Variants in CAST observed in about 807,000 individuals in gnomAD.
The protein encoded by CAST is MIR583 host.
In CAST, 76 loss-of-function variants were observed where a neutral mutation model predicts 119.6. The ratio of observed to expected loss-of-function variants is 0.64; its 90% CI spans 0.53 to 0.77. The LOEUF (loss-of-function observed/expected upper bound fraction) is 0.77, where lower values mean the gene tolerates loss of function less well. CAST is among the 30% of genes least tolerant of loss of function. The probability of loss-of-function intolerance (pLI) is 0.00; values close to 1 mark genes in which losing one functional copy is unlikely to be tolerated. For missense variants in CAST, 953 were observed against 946.5 expected (o/e 1.01, Z -0.09); for synonymous variants, 319 against 331.6 (o/e 0.96, Z 0.41).
the CAST span, among the ~76,000 whole-genome samples, chr5:96,300,834 A>ATTTTTTTTT: frequency 2.7e-4 from 14 of 52,414 alleles, no homozygotes; most frequent in African/African-American, 4.8e-4. Context: ...ATTCCTAAGC[A>ATTTTTTTTT]TTTTTTTTTT....
the CAST span, among the ~76,000 whole-genome samples, chr5:95,987,177 C>T: frequency 6.6e-6 from 1 of 152,140 alleles, no homozygotes; most frequent in Non-Finnish European, 1.5e-5. Context: ...CACCTGGGCC[C>T]CAGTCTCAGC....
At chr5:96,208,702 GA>G in the CAST span, among the ~76,000 whole-genome samples, 3 of 151,184 alleles carry the variant, frequency 2.0e-5, no homozygotes, top group Non-Finnish European at 4.4e-5. Flanking sequence ...TGTTTGGTAT[GA>G]TTTTTTTTTA....
chr5:96,161,382 G>A, the CAST span, among the ~76,000 whole-genome samples: 1 of 152,094 alleles, frequency 6.6e-6, no homozygotes, highest in African/African-American at 2.4e-5. Flanking sequence ...ACCGTTTGTT[G>A]AAAATATTAT....
chr5:96,138,172 G>A, the CAST span, among the ~76,000 whole-genome samples: 17 of 151,986 alleles, frequency 1.1e-4, no homozygotes, highest in South Asian at 1.2e-3. Context: ...AAGGTATGAC[G>A]TATGAATTTA....
At chr5:96,738,258 GT>G (rs1239515863) in intron 11 of CAST, among the ~76,000 whole-genome samples, 2 of 152,136 alleles carry the variant, frequency 1.3e-5, no homozygotes, top group Non-Finnish European at 2.9e-5. Flanking sequence ...GGAGGCAGAG[GT>G]TGCAGCGAGC....
chr5:96,024,161 T>G, the CAST span, among the ~76,000 whole-genome samples: 1 of 152,196 alleles, frequency 6.6e-6, no homozygotes. Context: ...TGTTTGTTCT[T>G]CCTCTAGAAT....
chr5:96,435,255 C>G, the CAST span, among the ~76,000 whole-genome samples: 3 of 152,186 alleles, frequency 2.0e-5, no homozygotes, highest in African/African-American at 4.8e-5. Flanking sequence ...CCGTGTCTCT[C>G]TCATTAATGA....
chr5:96,496,265 A>G, the CAST span, among the ~76,000 whole-genome samples: 2 of 152,162 alleles, frequency 1.3e-5, no homozygotes, highest in African/African-American at 4.8e-5. Context: ...ATTTTCAAAA[A>G]TCTTCAAATT....
At chr5:96,074,341 G>T in the CAST span, among the ~76,000 whole-genome samples, 1 of 152,200 alleles carries the variant, frequency 6.6e-6, no homozygotes, top group Admixed American at 6.5e-5. Flanking sequence ...ACCTTGGGAG[G>T]TAATTAGGTT....
At chr5:96,499,890 C>T in the CAST span, among the ~76,000 whole-genome samples, 4 of 152,256 alleles carry the variant, frequency 2.6e-5, no homozygotes, top group African/African-American at 4.8e-5. Context: ...TTGATTTAAG[C>T]TAGATCAACA....
At chr5:96,033,135 C>T in the CAST span, among the ~76,000 whole-genome samples, 1 of 152,016 alleles carries the variant, frequency 6.6e-6, no homozygotes. Context: ...AAGATCTCTA[C>T]ACTAAAAGTT....
intron 5 of CAST, 32 bp from the exon 6 acceptor site, chr5:96,727,457 T>C: frequency 7.8e-7 from 1 of 1,276,510 alleles, no homozygotes; most frequent in Non-Finnish European, 1.1e-6. Flanking sequence ...TTTTCTTCCT[T>C]CCTTTTTTTC....
rs774405869 is a variant in CAST, at chr5:96,740,119, G to A, written c.879+1G>A. The A allele has an allele frequency of 1.2e-5, 16 of 1,353,942 alleles. No homozygotes were observed. In the South Asian group the frequency reaches 1.5e-4, roughly 13 times the overall value. The allele number at this position is 1,353,942 out of a possible 1,614,324, so 83.9% of individuals were successfully genotyped here. ...TCCAAAATATAGGGAACTATTGGCT[G>A]TAAGTTAAATAATCATTTACTTTTA... On this transcript the variant is annotated splice_donor_variant, in intron 12 of 31. Transcript: ENST00000675179. LOFTEE classifies it high-confidence loss of function.
At chr5:96,621,108 G>A (rs1040572250) in intron 1 of CAST, among the ~76,000 whole-genome samples, 1 of 152,160 alleles carries the variant, frequency 6.6e-6, no homozygotes, top group Admixed American at 6.5e-5. Flanking sequence ...TTGCCCTGAA[G>A]AAAGGGGTTA....
chr5:96,385,170 T>C, the CAST span, among the ~76,000 whole-genome samples: 1 of 152,218 alleles, frequency 6.6e-6, no homozygotes, highest in South Asian at 2.1e-4. Flanking sequence ...TGATTCTTCA[T>C]CCAAATGTTG....
At chr5:96,143,639 G>C in the CAST span, among the ~76,000 whole-genome samples, 1 of 152,136 alleles carries the variant, frequency 6.6e-6, no homozygotes, top group Non-Finnish European at 1.5e-5. Context: ...AATGGTGCTT[G>C]GGTAAACATT....
chr5:96,619,687 C>G (rs1020251369), intron 1 of CAST, among the ~76,000 whole-genome samples: 7 of 152,116 alleles, frequency 4.6e-5, no homozygotes, highest in Non-Finnish European at 1.5e-5. Context: ...AAGGAAGCAA[C>G]TCCGAACGCA....
the CAST span, among the ~76,000 whole-genome samples, chr5:96,355,149 T>C: frequency 6.6e-6 from 1 of 152,102 alleles, no homozygotes; most frequent in Non-Finnish European, 1.5e-5. Flanking sequence ...CCGCATGCAT[T>C]AGGTATTCCT....
At chr5:96,113,988 G>A in the CAST span, among the ~76,000 whole-genome samples, 2 of 152,032 alleles carry the variant, frequency 1.3e-5, no homozygotes, top group Non-Finnish European at 2.9e-5. Flanking sequence ...TATACTACTA[G>A]CCTGACCTCT....
Sources: gnomAD v4.1 joint callset for allele counts (sites outside exome capture counted in the v4.1 genomes callset) on GRCh38, gnomAD v4.1.1 for gene constraint, MANE v1.5 for transcripts, NCBI Gene and HGNC (gene_info 2026-07-23, HGNC 2026-07-21) for gene names.